NHSL2: variants seen among roughly 807,000 people sequenced by gnomAD.
NHSL2 encodes NHS like 2, also known as NHS-like protein 2.
A neutral mutation model predicts 53.4 loss-of-function variants in NHSL2; 27 were observed. The observed-to-expected ratio is 0.51, with a 90% confidence interval of 0.37 to 0.70. The LOEUF is 0.70. NHSL2 is among the 30% of genes least tolerant of loss of function. The pLI, the probability that NHSL2 is intolerant of heterozygous loss-of-function variation, is 0.00. For synonymous variants in NHSL2, 408 were observed against 404.1 expected, an observed-to-expected ratio of 1.01 and a Z score of -0.12; for missense variants, 892 against 980.1, an observed-to-expected ratio of 0.91 and a Z score of 1.20.
rs770136636 is a variant in NHSL2 at position 72,002,406 on chromosome X, C to A, written c.280+91039C>A. ...GCTGTGGACATAGTAGATGCTTGAT[C>A]AATATTGAGAGAAGAAATAATTTTA... On this transcript the variant is annotated intron_variant, in intron 1 of 7. Transcript: ENST00000633930. Among the ~76,000 whole-genome samples the A allele has an allele frequency of 1.8e-5, 2 of 112,527 alleles. 1 individual carries two copies. The highest frequency in any genetic ancestry group is 1.9e-4 in the Admixed American group (2 of 10,694).
chrX:72,150,648 T>C lies in NHSL2; in HGVS notation c.*7074T>C, dbSNP rs2042505073. 1 of 112,526 alleles carries C rather than the reference T, an allele frequency of 8.9e-6. No homozygotes were observed. Among genetic ancestry groups the C allele is most frequent in the African/African-American group, 3.2e-5 (1 of 30,980 alleles). The allele number at this position is 112,526 out of a possible 1,213,427, so 9.3% of individuals were successfully genotyped here. ...AGAACATTCTTTGCCTAATGTTCCT[T>C]AGTGTGGCTCTCTCTTTAGTTGGGG... On this transcript the variant is annotated 3_prime_UTR_variant, in exon 8 of 8. Transcript: ENST00000633930.
chrX:71,923,428 G>A (rs899219341), intron 1 of NHSL2, among the ~76,000 whole-genome samples: 2 of 112,312 alleles, frequency 1.8e-5, no homozygotes, highest in African/African-American at 6.5e-5. Flanking sequence ...GTCAGACAAG[G>A]CATTGGGCTT....
rs2042277130 is a variant in NHSL2 at position 72,042,019 on chromosome X, T to G, written c.281-90060T>G. On this transcript the variant is annotated intron_variant, in intron 1 of 7. Transcript: ENST00000633930. ...GTTTCCCTACAAGGTCTGCCAGCCC[T>G]GACAGAAACAGCTGCTACAGATCCC... 2.7e-5 allele frequency among the ~76,000 whole-genome samples: 3 copies of G among 112,242 alleles called. No homozygotes were observed. In the South Asian group the frequency reaches 1.1e-3, roughly 41 times the overall value.
intron 1 of NHSL2, among the ~76,000 whole-genome samples, chrX:71,969,182 A>G (rs2041913794): frequency 9.0e-6 from 1 of 110,897 alleles, no homozygotes; most frequent in Non-Finnish European, 1.9e-5. Context: ...CCATTTATTT[A>G]TATCTTTTAA....
At chrX:72,085,704 G>GTTTT (rs796666989) in intron 1 of NHSL2, among the ~76,000 whole-genome samples, 2 of 82,667 alleles carry the variant, frequency 2.4e-5, no homozygotes, top group African/African-American at 4.1e-5. Flanking sequence ...GAAATTCTTT[G>GTTTT]TTTTTTTTTT....
intron 1 of NHSL2, among the ~76,000 whole-genome samples, chrX:72,000,720 T>TCTCTGA (rs927669192): frequency 2.7e-5 from 3 of 111,656 alleles, no homozygotes; most frequent in African/African-American, 9.8e-5. Flanking sequence ...TACATCTCCT[T>TCTCTGA]CTCTGACTCT....
In NHSL2 at chrX:72,119,156, A is replaced by G. The variant is rs372998796; in HGVS notation, c.281-12923A>G. Among the ~76,000 whole-genome samples, 16 of 111,957 alleles carry G rather than the reference A, an allele frequency of 1.4e-4. 1 individual carries two copies. Among genetic ancestry groups the G allele is most frequent in the African/African-American group, 4.9e-4 (15 of 30,802 alleles). ...CTATATGTCTATCCTTATGTTAGCAACACACTATTTTGATTACTATAGCAT... is the reference window on the plus strand; with the variant it reads ...CTATATGTCTATCCTTATGTTAGCAGCACACTATTTTGATTACTATAGCAT... On this transcript the variant is annotated intron_variant, in intron 1 of 7. Coordinates refer to ENST00000633930, the MANE Select transcript of NHSL2 (RefSeq NM_001013627.3).
chrX:71,930,622 G>A (rs1278203690), intron 1 of NHSL2, among the ~76,000 whole-genome samples: 4 of 112,154 alleles, frequency 3.6e-5, no homozygotes, highest in African/African-American at 6.5e-5. Context: ...TGGAAATTTC[G>A]TATTAATGGA....
intron 1 of NHSL2, among the ~76,000 whole-genome samples, chrX:72,035,341 T>C (rs2042235607): frequency 2.5e-5 from 1 of 39,952 alleles, no homozygotes; most frequent in Non-Finnish European, 1.3e-4. Flanking sequence ...TCTGCTCTCG[T>C]TGGGTGGAGG....
At chrX:71,917,919 T>C (rs2147810111) in intron 1 of NHSL2, among the ~76,000 whole-genome samples, 1 of 112,082 alleles carries the variant, frequency 8.9e-6, no homozygotes, top group East Asian at 2.8e-4. Context: ...CCTCACATCC[T>C]GTTTGTTCGT....
intron 1 of NHSL2, among the ~76,000 whole-genome samples, chrX:71,964,028 T>TGTATATATATATAC (rs201087257): frequency 1.0e-4 from 2 of 19,437 alleles, no homozygotes; most frequent in South Asian, 2.0e-3. Flanking sequence ...TATATATGTG[T>TGTATATATATATAC]ATATATATAT....
rs980002423 is a variant in NHSL2 at position 72,147,406 on chromosome X, C to T, written c.*3832C>T. The T allele has an allele frequency of 3.6e-5, 4 of 112,363 alleles. No individual in the cohort carries two copies. The highest frequency in any genetic ancestry group is 1.3e-4 in the African/African-American group (4 of 30,898). 9.3% of individuals were successfully genotyped at this position (112,363 alleles called of 1,213,427 possible). ...ACTCTTTAAAGTAATATCAGTTTAT[C>T]TTCTTCCTATGAACAAGTATAGTCC... is the stretch of plus-strand genomic sequence containing the variant. On this transcript the variant is annotated 3_prime_UTR_variant, in exon 8 of 8. Transcript: ENST00000633930.
At chrX:71,929,156 A>G (rs1013144489) in intron 1 of NHSL2, among the ~76,000 whole-genome samples, 1 of 112,392 alleles carries the variant, frequency 8.9e-6, no homozygotes, top group Admixed American at 9.4e-5. Context: ...AGGTGTTTTC[A>G]TAATTGTTTT....
At chrX:72,017,677 G>C (rs2042141207) in intron 1 of NHSL2, among the ~76,000 whole-genome samples, 1 of 112,402 alleles carries the variant, frequency 8.9e-6, no homozygotes, top group Non-Finnish European at 1.9e-5. Flanking sequence ...CCCCCTACAA[G>C]GTCATGGTCC....
chrX:71,964,865 G>A (rs2041894413), intron 1 of NHSL2, among the ~76,000 whole-genome samples: 1 of 112,123 alleles, frequency 8.9e-6, no homozygotes, highest in Non-Finnish European at 1.9e-5. Context: ...AATGAGTCCA[G>A]TTTATTAACT....
At chrX:71,977,425 C>CTT (rs374810519) in intron 1 of NHSL2, among the ~76,000 whole-genome samples, 2,753 of 92,634 alleles carry the variant, frequency 0.03, 109 homozygotes, top group African/African-American at 0.085. Context: ...CTCTCTCTCT[C>CTT]TTTTTTTTTT....
intron 1 of NHSL2, among the ~76,000 whole-genome samples, chrX:72,111,378 C>A (rs2042092015): frequency 8.9e-6 from 1 of 112,560 alleles, no homozygotes; most frequent in Non-Finnish European, 1.9e-5. Flanking sequence ...AAAGAGTGTC[C>A]CAAATTCCTG....
intron 1 of NHSL2, among the ~76,000 whole-genome samples, chrX:72,041,083 G>A (rs2147919835): frequency 1.8e-5 from 2 of 112,326 alleles, no homozygotes; most frequent in African/African-American, 6.5e-5. Flanking sequence ...CAGGGGAAGG[G>A]AGGTTTCAGT....
intron 1 of NHSL2, among the ~76,000 whole-genome samples, chrX:71,918,610 G>A (rs991266652): frequency 2.5e-4 from 28 of 111,559 alleles, no homozygotes; most frequent in Non-Finnish European, 9.4e-5. Context: ...GAGGGGGAGG[G>A]CAGTTCTCTG....
Sources: gnomAD v4.1 joint callset for allele counts (sites outside exome capture counted in the v4.1 genomes callset) on GRCh38, gnomAD v4.1.1 for gene constraint, MANE v1.5 for transcripts, NCBI Gene and HGNC (gene_info 2026-07-23, HGNC 2026-07-21) for gene names.